Variants in KLF12 observed in about 807,000 individuals in gnomAD.
KLF12 encodes the protein Krueppel-like factor 12.
Under a neutral mutation model 37.8 loss-of-function variants are expected in KLF12, and 9 were observed. That is an observed-to-expected ratio of 0.24 (90% CI 0.14 to 0.42). KLF12 has a LOEUF of 0.42. Among genes scored for constraint, KLF12 ranks in the 10% least tolerant of loss-of-function variants. KLF12 has a pLI of 1.00. For synonymous variants in KLF12, 208 were observed against 202.1 expected, an observed-to-expected ratio of 1.03 and a Z score of -0.25; for missense variants, 411 against 516.0, an observed-to-expected ratio of 0.80 and a Z score of 1.97.
At chr13:73,885,145 C>T (rs139700275) in intron 3 of KLF12, among the ~76,000 whole-genome samples, 29 of 152,308 alleles carry the variant, frequency 1.9e-4, no homozygotes, top group African/African-American at 7.0e-4. Context: ...TTCCCATAGC[C>T]AACAGTGTAT....
At chr13:73,750,249 AAGGGAACCACCAAAGTC>A (rs1457412419) in intron 6 of KLF12, among the ~76,000 whole-genome samples, 1 of 152,232 alleles carries the variant, frequency 6.6e-6, no homozygotes, top group Non-Finnish European at 1.5e-5. Context: ...AAAATGTGGA[AAGGGAACCACCAAAGTC>A]AGGCGGCAGA....
At chr13:74,244,320 C>G in the KLF12 span, among the ~76,000 whole-genome samples, 3 of 152,168 alleles carry the variant, frequency 2.0e-5, no homozygotes, top group East Asian at 5.8e-4. Context: ...CTAAAACATT[C>G]AGGGGCTCCC....
intron 1 of KLF12, among the ~76,000 whole-genome samples, chr13:74,071,769 A>G (rs1874266049): frequency 6.6e-6 from 1 of 152,242 alleles, no homozygotes; most frequent in African/African-American, 2.4e-5. Flanking sequence ...TAAAGAAATT[A>G]AGATACGAGT....
intron 5 of KLF12, among the ~76,000 whole-genome samples, chr13:73,769,417 C>T (rs534105575): frequency 6.6e-6 from 1 of 152,318 alleles, no homozygotes; most frequent in South Asian, 2.1e-4. Flanking sequence ...TACTCAGCAG[C>T]CAAGACATTC....
intron 2 of KLF12, among the ~76,000 whole-genome samples, chr13:73,988,902 C>G (rs955917767): frequency 6.6e-6 from 1 of 152,150 alleles, no homozygotes; most frequent in African/African-American, 2.4e-5. Context: ...CTCATTTAAC[C>G]TTCACAATAA....
At chr13:73,841,285 T>C (rs564687563) in intron 4 of KLF12, among the ~76,000 whole-genome samples, 1 of 152,300 alleles carries the variant, frequency 6.6e-6, no homozygotes, top group African/African-American at 2.4e-5. Context: ...GAGATCTGTC[T>C]TGACCCTCTA....
upstream of KLF12, among the ~76,000 whole-genome samples, chr13:74,138,452 T>A (rs374533256): frequency 9.8e-5 from 15 of 152,330 alleles, no homozygotes; most frequent in African/African-American, 3.6e-4. Flanking sequence ...TATGAGAAAG[T>A]GAGAAAGACA....
intron 3 of KLF12, among the ~76,000 whole-genome samples, chr13:73,908,054 A>C (rs73523247): frequency 0.013 from 2,046 of 152,212 alleles, 36 homozygotes; most frequent in African/African-American, 0.045. Context: ...TGCATCTTTC[A>C]GGTCTTGGTT....
chr13:73,873,866 A>G (rs574765674), intron 3 of KLF12, among the ~76,000 whole-genome samples: 2 of 152,316 alleles, frequency 1.3e-5, no homozygotes, highest in East Asian at 3.9e-4. Flanking sequence ...AAGCCCTATA[A>G]TAGTGTTTAA....
intron 3 of KLF12, among the ~76,000 whole-genome samples, chr13:73,864,282 C>T (rs1191028390): frequency 6.6e-6 from 1 of 152,028 alleles, no homozygotes; most frequent in Non-Finnish European, 1.5e-5. Flanking sequence ...TACTTGGTTT[C>T]AATTAGGAAT....
chr13:74,046,685 TG>T (rs970171698), intron 1 of KLF12, among the ~76,000 whole-genome samples: 9 of 152,168 alleles, frequency 5.9e-5, no homozygotes, highest in Admixed American at 3.3e-4. Flanking sequence ...TAACTGTAGT[TG>T]TGACAGTTTG....
chr13:74,172,415 A>T, the KLF12 span, among the ~76,000 whole-genome samples: 1 of 152,176 alleles, frequency 6.6e-6, no homozygotes, highest in Non-Finnish European at 1.5e-5. Flanking sequence ...AGAAGTTTGG[A>T]GACTCTTATC....
At chr13:74,006,029 G>A (rs1222832126) in intron 1 of KLF12, among the ~76,000 whole-genome samples, 1 of 152,056 alleles carries the variant, frequency 6.6e-6, no homozygotes, top group Non-Finnish European at 1.5e-5. Context: ...CATCTCTCCT[G>A]CCTTAAAAAT....
chr13:74,104,425 CTTCAAAACACAGAGT>C (rs1280001122), intron 1 of KLF12, among the ~76,000 whole-genome samples: 1 of 152,172 alleles, frequency 6.6e-6, no homozygotes, highest in Non-Finnish European at 1.5e-5. Context: ...AAAGACTGTC[CTTCAAAACACAGAGT>C]TTCAGTCAAA....
intron 5 of KLF12, among the ~76,000 whole-genome samples, chr13:73,809,312 T>G (rs546779030): frequency 4.4e-5 from 3 of 67,538 alleles, no homozygotes; most frequent in East Asian, 1.4e-3. Flanking sequence ...ATGTTTGGGG[T>G]TTTTTTTGTT....
At chr13:73,812,281 GA>G (rs1882979133) in intron 5 of KLF12, among the ~76,000 whole-genome samples, 1 of 151,794 alleles carries the variant, frequency 6.6e-6, no homozygotes, top group Non-Finnish European at 1.5e-5. Flanking sequence ...GCAGATAGAA[GA>G]AGAAGAAATT....
At chr13:73,803,115 T>C (rs938635352) in intron 5 of KLF12, among the ~76,000 whole-genome samples, 3 of 152,208 alleles carry the variant, frequency 2.0e-5, no homozygotes, top group African/African-American at 7.2e-5. Flanking sequence ...ACAGATTCCC[T>C]TAGAAAAACA....
chr13:74,237,373 T>C, the KLF12 span, among the ~76,000 whole-genome samples: 98 of 144,526 alleles, frequency 6.8e-4, 1 homozygote, highest in African/African-American at 2.5e-3. Flanking sequence ...AGTCAGGTAG[T>C]GTGATGCCTC....
intron 2 of KLF12, among the ~76,000 whole-genome samples, chr13:73,956,036 C>T (rs1450082654): frequency 2.0e-5 from 3 of 152,026 alleles, no homozygotes; most frequent in African/African-American, 7.2e-5. Context: ...TTCTTTTTTC[C>T]TTTCTGGAGT....
Sources: allele counts gnomAD v4.1 joint callset (sites outside exome capture counted in the v4.1 genomes callset), GRCh38; gene constraint gnomAD v4.1.1; transcripts MANE v1.5; gene names NCBI Gene and HGNC (gene_info 2026-07-23, HGNC 2026-07-21).